ADGRL2: variants seen among roughly 807,000 people sequenced by gnomAD.
ADGRL2 encodes the protein calcium-independent alpha-latrotoxin receptor 2.
ADGRL2 carries 44 observed loss-of-function variants against 157.4 expected under a neutral mutation model. The ratio of observed to expected loss-of-function variants is 0.28; its 90% confidence interval spans 0.22 to 0.36. ADGRL2 has a LOEUF of 0.36. ADGRL2 is among the 10% of genes least tolerant of loss of function. ADGRL2 has a pLI of 1.00. For missense variants in ADGRL2, 1,510 were observed against 1,768.9 expected (o/e 0.85, Z 2.63); for synonymous variants, 585 against 624.7 (o/e 0.94, Z 0.95).
rs1220175505 is a variant in ADGRL2, at chr1:81,991,149, T to C, written c.*4T>C. 6.3e-7 allele frequency: 1 copy of C among 1,595,282 alleles called. No homozygotes were observed. The highest frequency in any genetic ancestry group is 1.7e-4 in the Middle Eastern group (1 of 6,000). ...GCAGCTGGTTACAAGTCTTTAATCA[T>C]ACAGCTAAGGAATTCCAAGGGCCAC... On this transcript the variant is annotated 3_prime_UTR_variant, in exon 24 of 24. Coordinates refer to ENST00000686636, the MANE Select transcript of ADGRL2 (RefSeq NM_001366006.2).
At chr1:81,964,521 A>T (rs1656468103) in intron 11 of ADGRL2, among the ~76,000 whole-genome samples, 1 of 152,146 alleles carries the variant, frequency 6.6e-6, no homozygotes. Context: ...GATGCTCATT[A>T]TAAATTTGTA....
In ADGRL2 at chr1:81,928,731, A is replaced by G. The variant is rs550399158; in HGVS notation, c.288-7997A>G. Among the ~76,000 whole-genome samples the G allele has an allele frequency of 5.9e-5, 9 of 152,270 alleles. No individual in the cohort carries two copies. In the South Asian group the frequency reaches 8.3e-4, roughly 14 times the overall value. ...ATATTCTGTTTGTTTAGCATATACA[A>G]TTCACCTAAGGATGTGGTTTAAGCT... On this transcript the variant is annotated intron_variant, in intron 3 of 23. Transcript: ENST00000686636.
At chr1:81,504,386 G>A (rs1204458265) in intron 2 of ADGRL2, among the ~76,000 whole-genome samples, 1 of 152,122 alleles carries the variant, frequency 6.6e-6, no homozygotes, top group Non-Finnish European at 1.5e-5. Context: ...CACACGTGCC[G>A]ATGTCAGGTT....
chr1:81,319,587 A>G lies in ADGRL2; in HGVS notation c.-302+13078A>G, dbSNP rs72935170. 9.2e-3 allele frequency among the ~76,000 whole-genome samples: 1,403 copies of G among 152,294 alleles called. 17 individuals are homozygous for G. Among genetic ancestry groups the G allele is most frequent in the African/African-American group, 0.032 (1,342 of 41,554 alleles). On this transcript the variant is annotated intron_variant, in intron 1 of 24. Coordinates refer to the ADGRL2 transcript ENST00000370721. ...TGCTCAGAGAGGCGGGGCTCAACAA[A>G]TGTTTTCTGAATGGAACTGGAATTA...
At chr1:81,361,577 T>C (rs564856016) in intron 1 of ADGRL2, among the ~76,000 whole-genome samples, 5 of 152,044 alleles carry the variant, frequency 3.3e-5, no homozygotes, top group African/African-American at 1.2e-4. Context: ...CAAATATTTG[T>C]TGAATGAATA....
chr1:81,856,225 T>C (rs965011850), intron 2 of ADGRL2, among the ~76,000 whole-genome samples: 3 of 141,758 alleles, frequency 2.1e-5, no homozygotes, highest in Non-Finnish European at 3.2e-5. Flanking sequence ...AGCTGTTCTT[T>C]CCCTCAACTC....
chr1:81,698,266 T>G (rs1352970783), upstream of ADGRL2, among the ~76,000 whole-genome samples: 2 of 152,192 alleles, frequency 1.3e-5, no homozygotes, highest in African/African-American at 4.8e-5. Context: ...TTAGAGGTAG[T>G]AATGTATTAT....
At chr1:81,638,778 G>T (rs1487346084) in intron 3 of ADGRL2, among the ~76,000 whole-genome samples, 1 of 152,096 alleles carries the variant, frequency 6.6e-6, no homozygotes, top group Non-Finnish European at 1.5e-5. Context: ...AAAAACAGGG[G>T]CACAGAACAA....
intron 2 of ADGRL2, among the ~76,000 whole-genome samples, chr1:81,521,377 A>G (rs888436369): frequency 7.9e-5 from 12 of 152,216 alleles, no homozygotes; most frequent in Admixed American, 6.5e-4. Context: ...TATATAATAT[A>G]TACAGGTAAA....
rs115079249 is a variant in ADGRL2, at chr1:81,453,730, A to G, written c.-248+8641A>G. ...TGCTTTTCCTGGCAGCAAATGATAA[A>G]AAGTCTTAGGGAATCCATATCTCTA... On this transcript the variant is annotated intron_variant, in intron 2 of 24. Coordinates refer to the ADGRL2 transcript ENST00000370721. 9.0e-3 allele frequency among the ~76,000 whole-genome samples: 1,364 copies of G among 152,296 alleles called. 9 individuals carry two copies. Among genetic ancestry groups the G allele is most frequent in the Middle Eastern group, 0.02 (6 of 294 alleles).
intron 3 of ADGRL2, among the ~76,000 whole-genome samples, chr1:81,668,886 C>T (rs1319779930): frequency 6.6e-6 from 1 of 151,852 alleles, no homozygotes; most frequent in African/African-American, 2.4e-5. Flanking sequence ...CTTGTTTTAA[C>T]TAAGATTAAT....
At chr1:81,453,050 G>C (rs2077730804) in intron 2 of ADGRL2, among the ~76,000 whole-genome samples, 2 of 152,110 alleles carry the variant, frequency 1.3e-5, no homozygotes, top group Admixed American at 1.3e-4. Flanking sequence ...CATTTGCTTT[G>C]GGAGCCTCAG....
chr1:81,767,310 A>G (rs989964092), intron 2 of ADGRL2, among the ~76,000 whole-genome samples: 5 of 152,122 alleles, frequency 3.3e-5, no homozygotes, highest in African/African-American at 1.2e-4. Flanking sequence ...CAGTGCTTCT[A>G]TGACCAGTCT....
chr1:81,637,969 ATT>A (rs550792272), intron 3 of ADGRL2, among the ~76,000 whole-genome samples: 35 of 151,984 alleles, frequency 2.3e-4, no homozygotes, highest in Non-Finnish European at 4.6e-4. Context: ...TCTTTGTTGA[ATT>A]TGAATTGGGA....
intron 1 of ADGRL2, among the ~76,000 whole-genome samples, chr1:81,823,469 T>A (rs1249565855): frequency 6.6e-6 from 1 of 150,772 alleles, no homozygotes; most frequent in Non-Finnish European, 1.5e-5. Context: ...TCAAAAACAT[T>A]TATTATGTGC....
intron 1 of ADGRL2, among the ~76,000 whole-genome samples, chr1:81,404,310 C>T (rs976414751): frequency 1.3e-5 from 2 of 152,100 alleles, no homozygotes; most frequent in African/African-American, 2.4e-5. Context: ...TGGTTTGTAT[C>T]GTAGAAAGTT....
At chr1:81,559,720 G>T (rs540386989) in intron 2 of ADGRL2, among the ~76,000 whole-genome samples, 1 of 152,120 alleles carries the variant, frequency 6.6e-6, no homozygotes, top group African/African-American at 2.4e-5. Context: ...CCCAGTGCAG[G>T]TGTTATGTTT....
chr1:81,896,900 G>T (rs1441144437), intron 2 of ADGRL2, among the ~76,000 whole-genome samples: 2 of 152,086 alleles, frequency 1.3e-5, no homozygotes, highest in Non-Finnish European at 2.9e-5. Context: ...ACTCCATAAA[G>T]AACACCGTAA....
chr1:81,573,208 G>A (rs1289282131), intron 2 of ADGRL2, among the ~76,000 whole-genome samples: 1 of 151,852 alleles, frequency 6.6e-6, no homozygotes, highest in African/African-American at 2.4e-5. Flanking sequence ...CTAATCCTTG[G>A]CTAATTATGT....
Sources: allele counts gnomAD v4.1 joint callset (sites outside exome capture counted in the v4.1 genomes callset), GRCh38; gene constraint gnomAD v4.1.1; transcripts MANE v1.5; gene names NCBI Gene and HGNC (gene_info 2026-07-23, HGNC 2026-07-21).